GYG1: variants seen among roughly 807,000 people sequenced by gnomAD.
GYG1 encodes the protein glycogenin-1.
Under a neutral mutation model 41.9 loss-of-function variants are expected in GYG1, and 44 were observed. That is an observed-to-expected ratio of 1.05 (90% CI 0.83 to 1.35). GYG1 has a LOEUF of 1.35. Ranked by LOEUF, GYG1 falls within the 40% of genes most tolerant of loss-of-function variation. The pLI, the probability that GYG1 is intolerant of heterozygous loss-of-function variation, is 0.00. For synonymous variants in GYG1, 141 were observed against 158.1 expected, an observed-to-expected ratio of 0.89 and a Z score of 0.81; for missense variants, 429 against 418.9, an observed-to-expected ratio of 1.02 and a Z score of -0.21.
At chr3:149,019,850 A>T (rs1244921917) in intron 5 of GYG1, among the ~76,000 whole-genome samples, 2 of 152,238 alleles carry the variant, frequency 1.3e-5, no homozygotes, top group African/African-American at 4.8e-5. Context: ...TGGAGCTGGT[A>T]TCCAGGAGGG....
intron 4 of GYG1, among the ~76,000 whole-genome samples, chr3:148,999,333 A>T (rs534373543): frequency 6.6e-4 from 100 of 152,330 alleles, no homozygotes; most frequent in African/African-American, 2.2e-3. Context: ...TGAAGGACTG[A>T]ATCTTCTCTG....
chr3:149,027,874 CCTCT>C lies in GYG1; in HGVS notation c.*944_*947del, dbSNP rs1349404850. Among the ~76,000 whole-genome samples the C allele has an allele frequency of 2.6e-5, 4 of 152,036 alleles. No individual in the cohort carries two copies. On this transcript the variant is annotated 3_prime_UTR_variant, in exon 8 of 8. Coordinates refer to ENST00000345003, the MANE Select transcript of GYG1 (RefSeq NM_004130.4). The stretch of plus-strand genomic sequence containing the variant: ...CTTACATAGTGTCATCCACACTGCA[CCTCT>C]CTATTAAGTGGGTATTTAGCTATTT...
In GYG1 at chr3:148,991,662, C is replaced by CCCG. The variant is rs1240466704; in HGVS notation, c.7+24_7+26dup. On this transcript the variant is annotated intron_variant, in intron 1 of 7. Transcript: ENST00000345003. ...CACCATGACAGGTACCGCCGCGCAG[C>CCCG]CCGCCGCCGCCAGCCCCGGGACCCC... 1 of 1,523,360 alleles carries CCCG rather than the reference C, an allele frequency of 6.6e-7. No homozygotes were observed. Among genetic ancestry groups the CCCG allele is most frequent in the Non-Finnish European group, 8.8e-7 (1 of 1,141,164 alleles). 94.4% of individuals were successfully genotyped at this position (1,523,360 alleles called of 1,614,324 possible).
rs1714733018 is a variant in GYG1 at position 149,027,695 on chromosome 3, A to C, written c.*762A>C. The C allele has an allele frequency of 6.6e-6, 1 of 152,218 alleles. No homozygotes were observed. The highest frequency in any genetic ancestry group is 6.5e-5 in the Admixed American group (1 of 15,278). 9.4% of individuals were successfully genotyped at this position (152,218 alleles called of 1,614,324 possible). A position where few individuals can be genotyped will look rare whatever the true frequency, so the allele number is the denominator to read the frequency against. ...CACCCTTGAACAAATCTATTAGGGA[A>C]TTTTTCACAATTTTTGGAATTTGTC... On this transcript the variant is annotated 3_prime_UTR_variant, in exon 8 of 8. Transcript: ENST00000345003.
chr3:149,028,149 GA>G lies in GYG1; in HGVS notation c.*1218del, dbSNP rs1319335566. 3.3e-5 allele frequency among the ~76,000 whole-genome samples: 5 copies of G among 152,152 alleles called. No individual in the cohort carries two copies. Among genetic ancestry groups the G allele is most frequent in the African/African-American group, 9.7e-5 (4 of 41,448 alleles). On this transcript the variant is annotated 3_prime_UTR_variant, in exon 8 of 8. Coordinates refer to ENST00000345003, the MANE Select transcript of GYG1 (RefSeq NM_004130.4). The stretch of plus-strand genomic sequence containing the variant: ...AAAACAGGACAGTTAACCATGACAG[GA>G]AGAAACTTTAGAGGTTTGATTGGGC...
chr3:149,016,795 T>G (rs1714076119), intron 5 of GYG1, among the ~76,000 whole-genome samples: 1 of 152,100 alleles, frequency 6.6e-6, no homozygotes, highest in South Asian at 2.1e-4. Flanking sequence ...AGATTGTGAG[T>G]GCGTGAGAGA....
Position 149,029,703 on chromosome 3 carries a change from A to C in GYG1, c.*2770A>C, listed in dbSNP as rs1559847220. Among the ~76,000 whole-genome samples, 2 of 152,216 alleles carry C rather than the reference A, an allele frequency of 1.3e-5. No individual in the cohort carries two copies. The highest frequency in any genetic ancestry group is 2.9e-5 in the Non-Finnish European group (2 of 68,036). On this transcript the variant is annotated 3_prime_UTR_variant, in exon 8 of 8. Coordinates refer to ENST00000345003, the MANE Select transcript of GYG1 (RefSeq NM_004130.4). ...TACAGCAATGTCTTTGCCATTCCCC[A>C]AAACAAAGCACACACTGCCGAAGAT...
rs191161079 is a variant in GYG1 at position 149,028,921 on chromosome 3, T to C, written c.*1988T>C. On this transcript the variant is annotated 3_prime_UTR_variant, in exon 8 of 8. Transcript: ENST00000345003. ...TTTTTAGTAGAGACAGGTTTCACCA[T>C]GTTGCCAGGATGGTCTCAATCTCTT... Among the ~76,000 whole-genome samples the C allele has an allele frequency of 2.4e-4, 36 of 152,266 alleles. 1 individual carries two copies. The highest frequency in any genetic ancestry group is 1.5e-5 in the Non-Finnish European group (1 of 68,018).
intron 5 of GYG1, among the ~76,000 whole-genome samples, chr3:149,018,248 A>C (rs530416782): frequency 6.6e-6 from 1 of 152,218 alleles, no homozygotes; most frequent in African/African-American, 2.4e-5. Context: ...TCTAGATATG[A>C]AAACAGACTA....
rs1480357029 is a variant in GYG1, at chr3:149,028,784, A to G, written c.*1851A>G. ...TCACCAGGCTGGAGTGCAGTGGTGC[A>G]GTCTCGGCTCACTGCAACCTCTGCC... On this transcript the variant is annotated 3_prime_UTR_variant, in exon 8 of 8. Transcript: ENST00000345003. 6.9e-6 allele frequency among the ~76,000 whole-genome samples: 1 copy of G among 144,742 alleles called. No individual in the cohort carries two copies. The highest frequency in any genetic ancestry group is 2.6e-5 in the African/African-American group (1 of 38,318). 95.0% of individuals were successfully genotyped at this position (144,742 alleles called of 152,430 possible).
chr3:148,994,144 C>G lies in GYG1; in HGVS notation c.10C>G (p.Gln4Glu). Reference protein sequence around the residue: MTDQAFVTLTTNDA... With the variant: MTDEAFVTLTTNDA... ...GTTTTTTTTTTCTTTGTATTAAGAT[C>G]AGGCCTTTGTGACACTAACCACAAA... is the stretch of plus-strand genomic sequence containing the variant. The change falls in exon 2 of 8, where the codon CAG becomes GAG. Residue 4 changes from glutamine to glutamate, a missense_variant and splice_region_variant. Physicochemically the swap from Gln to Glu is conservative, Grantham distance 29. Transcript: ENST00000345003. 1.2e-6 allele frequency: 2 copies of G among 1,612,488 alleles called. No homozygotes were observed. Among genetic ancestry groups the G allele is most frequent in the African/African-American group, 2.7e-5 (2 of 74,878 alleles).
At chr3:149,000,444 C>T (rs1713029747) in intron 4 of GYG1, among the ~76,000 whole-genome samples, 1 of 152,188 alleles carries the variant, frequency 6.6e-6, no homozygotes, top group Admixed American at 6.5e-5. Flanking sequence ...CATGTTAGCA[C>T]TAAGAGGGGA....
In GYG1 at chr3:149,021,698, T is replaced by A. The variant is rs11716535; in HGVS notation, c.609-2355T>A. On this transcript the variant is annotated intron_variant, in intron 5 of 7. Coordinates refer to ENST00000345003, the MANE Select transcript of GYG1 (RefSeq NM_004130.4). ...AGAAATATTATTATTCCCCATCATG[T>A]CCTTAAAGAATTTGGTCTCCAAATA... 7.0e-4 allele frequency among the ~76,000 whole-genome samples: 106 copies of A among 152,160 alleles called. 1 individual carries two copies. The highest frequency in any genetic ancestry group is 2.3e-3 in the African/African-American group (97 of 41,512).
At chr3:149,017,202 C>T (rs528118576) in intron 5 of GYG1, among the ~76,000 whole-genome samples, 10 of 152,296 alleles carry the variant, frequency 6.6e-5, no homozygotes, top group East Asian at 3.9e-4. Context: ...ATAATTTTAA[C>T]GGCTCACATA....
intron 5 of GYG1, among the ~76,000 whole-genome samples, chr3:149,017,876 G>A (rs1278296409): frequency 6.6e-6 from 1 of 151,408 alleles, no homozygotes; most frequent in Non-Finnish European, 1.5e-5. Flanking sequence ...GCCTCCCAAA[G>A]TGCTAGGATT....
Position 148,991,559 on chromosome 3 carries a change from C to G in GYG1, c.-82C>G. 1 of 1,524,910 alleles carries G rather than the reference C, an allele frequency of 6.6e-7. No homozygotes were observed. The highest frequency in any genetic ancestry group is 8.8e-7 in the Non-Finnish European group (1 of 1,140,012). The allele number at this position is 1,524,910 out of a possible 1,614,324, so 94.5% of individuals were successfully genotyped here. A position where few individuals can be genotyped will look rare whatever the true frequency, so the allele number is the denominator to read the frequency against. Reference sequence around the variant, plus strand: ...CTCGGTTCCCCGCCGTGCCTCCTCGCTGGCCGCGCTCCCTCCCGGTGCCGG... The same window carrying G: ...CTCGGTTCCCCGCCGTGCCTCCTCGGTGGCCGCGCTCCCTCCCGGTGCCGG... On this transcript the variant is annotated 5_prime_UTR_variant, in exon 1 of 8. Transcript: ENST00000345003.
rs531564026 is a variant in GYG1 at position 149,028,636 on chromosome 3, C to T, written c.*1703C>T. Among the ~76,000 whole-genome samples the T allele has an allele frequency of 4.7e-4, 72 of 151,784 alleles. No individual in the cohort carries two copies. Among genetic ancestry groups the T allele is most frequent in the Non-Finnish European group, 1.0e-3 (69 of 67,976 alleles). ...AACGTTAATTTTTTCTATTTACTAC[C>T]GTTCATTCTCTATTTTTTACACAGT... On this transcript the variant is annotated 3_prime_UTR_variant, in exon 8 of 8. Transcript: ENST00000345003.
rs1426593182 is a variant in GYG1, at chr3:149,027,940, G to C, written c.*1007G>C. On this transcript the variant is annotated 3_prime_UTR_variant, in exon 8 of 8. Transcript: ENST00000345003. ...ACCTTAAAGTCATTCCTAACTGTCA[G>C]AATCAATACTGGGTCCAGTCCCTAC... 6.6e-6 allele frequency among the ~76,000 whole-genome samples: 1 copy of C among 152,166 alleles called. No individual in the cohort carries two copies. Among genetic ancestry groups the C allele is most frequent in the Non-Finnish European group, 1.5e-5 (1 of 68,030 alleles).
chr3:149,023,651 A>G (rs1455871119), intron 5 of GYG1, among the ~76,000 whole-genome samples: 1 of 152,196 alleles, frequency 6.6e-6, no homozygotes, highest in Non-Finnish European at 1.5e-5. Context: ...GTACTTTTAA[A>G]AGTATCTGTC....
Sources: gnomAD v4.1 joint callset for allele counts (sites outside exome capture counted in the v4.1 genomes callset) on GRCh38, gnomAD v4.1.1 for gene constraint, MANE v1.5 for transcripts, NCBI Gene and HGNC (gene_info 2026-07-23, HGNC 2026-07-21) for gene names.